Variants in SRGAP3 observed in about 807,000 individuals in gnomAD.
SRGAP3 encodes the protein SLIT-ROBO Rho GTPase activating protein 3, also known as SLIT-ROBO Rho GTPase-activating protein 3.
In SRGAP3, 39 loss-of-function variants were observed where a neutral mutation model predicts 121.1. The ratio of observed to expected loss-of-function variants is 0.32; its 90% CI spans 0.25 to 0.42. The LOEUF (loss-of-function observed/expected upper bound fraction) is 0.42, where lower values mean the gene tolerates loss of function less well. SRGAP3 is among the 10% of genes least tolerant of loss of function. The pLI is 1.00. For missense variants in SRGAP3, 1,213 were observed against 1,470.6 expected (o/e 0.82, Z 2.86); for synonymous variants, 601 against 570.0 (o/e 1.05, Z -0.77).
At position 9,013,662 on chromosome 3, in the gene SRGAP3, C is replaced by A. The variant is rs973494581; in HGVS notation, c.1919+75G>T. 16 of 1,575,214 alleles carry A rather than the reference C, an allele frequency of 1.0e-5. No individual in the cohort carries two copies. The African/African-American group carries it at 2.2e-4, about 21-fold the overall frequency. ...TGTTCTCCTTTAAAAACAGCATCTG[C>A]AAAAGCCTCAAGATACCCCCTCCCA... is the stretch of plus-strand genomic sequence containing the variant. On this transcript the variant is annotated intron_variant, in intron 16 of 21. Transcript: ENST00000383836.
chr3:9,231,820 T>C (rs1241380856), intron 1 of SRGAP3, among the ~76,000 whole-genome samples: 2 of 152,138 alleles, frequency 1.3e-5, no homozygotes, highest in African/African-American at 4.8e-5. Context: ...CCTCATTTGA[T>C]CCTCACAGCA....
At chr3:9,155,902 A>T (rs915764348) in intron 1 of SRGAP3, among the ~76,000 whole-genome samples, 2 of 151,614 alleles carry the variant, frequency 1.3e-5, no homozygotes, top group African/African-American at 2.4e-5. Context: ...TGCAAGCTCC[A>T]CCTCCCGGGT....
chr3:9,082,605 C>T (rs1947294500), intron 3 of SRGAP3, among the ~76,000 whole-genome samples: 2 of 152,242 alleles, frequency 1.3e-5, no homozygotes, highest in Admixed American at 6.5e-5. Context: ...CCAAGACCAT[C>T]GTGTTGAGTT....
At chr3:9,088,760 G>GTC (rs145551601) in intron 3 of SRGAP3, among the ~76,000 whole-genome samples, 3,037 of 152,188 alleles carry the variant, frequency 0.02, 101 homozygotes, top group African/African-American at 0.069. Flanking sequence ...TCCCAGTGTT[G>GTC]AAAACTCAGG....
At chr3:9,281,772 A>C (rs9824894) in intron 3 of SRGAP3, among the ~76,000 whole-genome samples, 10,000 of 152,096 alleles carry the variant, frequency 0.066, 1,088 homozygotes, top group African/African-American at 0.22. Flanking sequence ...ATCCGGGTTC[A>C]AGCGATTCTC....
In SRGAP3 at chr3:9,088,939, G is replaced by A. The variant is rs1252739034; in HGVS notation, c.424-8852C>T. On this transcript the variant is annotated intron_variant, in intron 3 of 21. Coordinates refer to ENST00000383836, the MANE Select transcript of SRGAP3 (RefSeq NM_014850.4). ...CTCCCTCCACCCAGCCATGTCCTCC[G>A]TACAGCCCACAGATGTATTTTAGTT... Among the ~76,000 whole-genome samples the A allele has an allele frequency of 2.0e-5, 3 of 151,998 alleles. No individual in the cohort carries two copies. In the South Asian group the frequency reaches 6.2e-4, roughly 32 times the overall value.
intron 3 of SRGAP3, among the ~76,000 whole-genome samples, chr3:9,265,678 T>C (rs1463303608): frequency 6.6e-6 from 1 of 151,774 alleles, no homozygotes; most frequent in Non-Finnish European, 1.5e-5. Flanking sequence ...TGAGATACCA[T>C]CTCACACCAG....
intron 1 of SRGAP3, among the ~76,000 whole-genome samples, chr3:9,220,636 G>C (rs1318439252): frequency 6.6e-6 from 1 of 152,190 alleles, no homozygotes; most frequent in Non-Finnish European, 1.5e-5. Flanking sequence ...GGACACAGAT[G>C]GGATCCTTGA....
chr3:9,085,686 T>G (rs1947433810), intron 3 of SRGAP3, among the ~76,000 whole-genome samples: 1 of 152,188 alleles, frequency 6.6e-6, no homozygotes, highest in South Asian at 2.1e-4. Flanking sequence ...TGGAAGCCAT[T>G]ATACTTAGCA....
chr3:9,131,415 G>C (rs1336421414), intron 1 of SRGAP3, among the ~76,000 whole-genome samples: 1 of 148,266 alleles, frequency 6.7e-6, no homozygotes, highest in Non-Finnish European at 1.5e-5. Context: ...GAGGCCCAGA[G>C]AAGGGGAAGA....
At chr3:9,242,898 T>A (rs1485625399) in intron 1 of SRGAP3, among the ~76,000 whole-genome samples, 1 of 152,012 alleles carries the variant, frequency 6.6e-6, no homozygotes, top group Non-Finnish European at 1.5e-5. Context: ...TTGCCCAGGC[T>A]AGTCTCAAAC....
intron 2 of SRGAP3, among the ~76,000 whole-genome samples, chr3:9,327,891 T>G (rs1955545821): frequency 6.6e-6 from 1 of 152,234 alleles, no homozygotes; most frequent in African/African-American, 2.4e-5. Context: ...GGACAGGAAT[T>G]TACCATACAA....
At chr3:9,084,415 G>A (rs138714691) in intron 3 of SRGAP3, among the ~76,000 whole-genome samples, 1 of 152,144 alleles carries the variant, frequency 6.6e-6, no homozygotes, top group Admixed American at 6.5e-5. Context: ...TTTCTACTGA[G>A]TGCTGGCAAA....
chr3:9,322,895 G>A (rs1575003736), intron 3 of SRGAP3, among the ~76,000 whole-genome samples: 1 of 151,948 alleles, frequency 6.6e-6, no homozygotes, highest in South Asian at 2.1e-4. Flanking sequence ...AATGTTTCTA[G>A]CAGCTCTATT....
chr3:9,212,824 G>T (rs1574879018), intron 1 of SRGAP3, among the ~76,000 whole-genome samples: 1 of 152,194 alleles, frequency 6.6e-6, no homozygotes, highest in Non-Finnish European at 1.5e-5. Flanking sequence ...GGCATACAGT[G>T]GCTACTCAAT....
intron 20 of SRGAP3, among the ~76,000 whole-genome samples, chr3:8,991,604 G>T (rs985344006): frequency 6.6e-6 from 1 of 152,208 alleles, no homozygotes; most frequent in Non-Finnish European, 1.5e-5. Flanking sequence ...GTTTAAGCAA[G>T]ATCCTTTGCC....
At chr3:9,311,659 T>C (rs78491024) in intron 3 of SRGAP3, among the ~76,000 whole-genome samples, 20 of 152,348 alleles carry the variant, frequency 1.3e-4, no homozygotes, top group Non-Finnish European at 2.1e-4. Flanking sequence ...CGACTTTTTT[T>C]CAACTATTCA....
At chr3:9,343,795 C>G (rs527439558) in intron 1 of SRGAP3, among the ~76,000 whole-genome samples, 1 of 152,106 alleles carries the variant, frequency 6.6e-6, no homozygotes, top group African/African-American at 2.4e-5. Context: ...CTCAGCATCC[C>G]GAGGAGCAGG....
At chr3:8,998,580 C>T (rs978561988) in intron 18 of SRGAP3, among the ~76,000 whole-genome samples, 4 of 151,648 alleles carry the variant, frequency 2.6e-5, no homozygotes, top group Non-Finnish European at 5.9e-5. Context: ...TATACACACA[C>T]ATATACATAC....
Sources: allele counts gnomAD v4.1 joint callset (sites outside exome capture counted in the v4.1 genomes callset), GRCh38; gene constraint gnomAD v4.1.1; transcripts MANE v1.5; gene names NCBI Gene and HGNC (gene_info 2026-07-23, HGNC 2026-07-21).